The following EIF3E variants were observed in gnomAD, a reference collection of about 807,000 sequenced individuals.
The protein encoded by EIF3E is eukaryotic translation initiation factor 3 subunit E.
Under a neutral mutation model 59.3 loss-of-function variants are expected in EIF3E, and 25 were observed. That is an observed-to-expected ratio of 0.42 (90% CI 0.31 to 0.59). EIF3E has a LOEUF of 0.59. Among genes scored for constraint, EIF3E ranks in the 20% least tolerant of loss-of-function variants. EIF3E has a pLI of 0.15. For missense variants in EIF3E, 317 were observed against 534.3 expected (o/e 0.59, Z 4.01); for synonymous variants, 176 against 170.2 (o/e 1.03, Z -0.26).
At chr8:108,233,884 C>CT in intron 5 of EIF3E, among the ~76,000 whole-genome samples, 1 of 148,106 alleles carries the variant, frequency 6.8e-6, no homozygotes, top group East Asian at 2.0e-4. Context: ...CTTTAAGTAC[C>CT]TACTTACTAG....
intron 3 of EIF3E, 77 bp downstream of exon 3, chr8:108,239,881 C>A: frequency 2.6e-6 from 3 of 1,169,094 alleles, no homozygotes; most frequent in Non-Finnish European, 3.8e-6. Flanking sequence ...CTATGGGATA[C>A]TGGATAAAGT....
At chr8:108,219,239 CTTAA>C (rs1179774174) in intron 7 of EIF3E, among the ~76,000 whole-genome samples, 1 of 152,130 alleles carries the variant, frequency 6.6e-6, no homozygotes. Context: ...CCATATACAT[CTTAA>C]TTATTTTTAC....
At chr8:108,216,617 T>C (rs1376288560) in intron 8 of EIF3E, 104 bp from the exon 9 acceptor site, 7 of 792,616 alleles carry the variant, frequency 8.8e-6, no homozygotes, top group South Asian at 1.7e-5. Flanking sequence ...TTACCATTAA[T>C]TTCTAGCCAA....
chr8:108,203,822 G>A (rs1815041256), intron 10 of EIF3E, among the ~76,000 whole-genome samples: 1 of 151,968 alleles, frequency 6.6e-6, no homozygotes, highest in African/African-American at 2.4e-5. Context: ...AATGATCTAA[G>A]GGAGAAAAAG....
At chr8:108,242,007 G>A in intron 1 of EIF3E, 94 bp from the exon 2 acceptor site, 1 of 1,229,508 alleles carries the variant, frequency 8.1e-7, no homozygotes, top group Non-Finnish European at 1.1e-6. Context: ...TATATTTCAA[G>A]AAATACTTTA....
intron 7 of EIF3E, 106 bp from the exon 8 acceptor site, chr8:108,217,566 A>C: frequency 1.1e-6 from 1 of 870,762 alleles, no homozygotes. Flanking sequence ...AAGACTGCAA[A>C]CACTTAAGAA....
At chr8:108,240,783 C>T (rs1290280559) in intron 2 of EIF3E, among the ~76,000 whole-genome samples, 1 of 152,116 alleles carries the variant, frequency 6.6e-6, no homozygotes, top group Non-Finnish European at 1.5e-5. Flanking sequence ...AGTTCAAGAC[C>T]AGCCTGGCCA....
At chr8:108,241,473 C>CACT (rs1815832900) in intron 2 of EIF3E, among the ~76,000 whole-genome samples, 1 of 151,658 alleles carries the variant, frequency 6.6e-6, no homozygotes, top group Admixed American at 6.6e-5. Flanking sequence ...GCACACAATG[C>CACT]ACTAACTGAA....
intron 7 of EIF3E, among the ~76,000 whole-genome samples, chr8:108,226,725 C>T (rs2129890914): frequency 6.6e-6 from 1 of 152,242 alleles, no homozygotes; most frequent in South Asian, 2.1e-4. Flanking sequence ...GATATATTCC[C>T]ATATGCACAC....
chr8:108,236,971 G>C (rs1165365745), intron 3 of EIF3E, among the ~76,000 whole-genome samples: 2 of 151,996 alleles, frequency 1.3e-5, no homozygotes, highest in Non-Finnish European at 2.9e-5. Context: ...GCAGTGAACA[G>C]AGATGGCACC....
At chr8:108,222,063 G>A (rs1815426916) in intron 7 of EIF3E, among the ~76,000 whole-genome samples, 1 of 152,072 alleles carries the variant, frequency 6.6e-6, no homozygotes, top group Non-Finnish European at 1.5e-5. Context: ...ACTTTTTAGA[G>A]ATGGAATCTG....
In EIF3E at chr8:108,214,795, T is replaced by C. The variant is rs541052691; in HGVS notation, c.952-79A>G. 6 of 1,241,986 alleles carry C rather than the reference T, an allele frequency of 4.8e-6. No homozygotes were observed. The South Asian group carries it at 6.8e-5, about 14-fold the overall frequency. The allele number at this position is 1,241,986 out of a possible 1,614,324, so 76.9% of individuals were successfully genotyped here. A position where few individuals can be genotyped will look rare whatever the true frequency, so the allele number is the denominator to read the frequency against. On this transcript the variant is annotated intron_variant, in intron 9 of 12. Transcript: ENST00000220849. ...ACGTGAATCAAATACTTTATCTGCT[T>C]TATTTTTCCATTCTACAATCATGAG...
intron 3 of EIF3E, among the ~76,000 whole-genome samples, chr8:108,236,430 C>T (rs982007608): frequency 6.6e-6 from 1 of 152,162 alleles, no homozygotes; most frequent in Non-Finnish European, 1.5e-5. Flanking sequence ...TTAGCCCTAA[C>T]TGAAAATTAG....
rs1363023267 is a variant in EIF3E, at chr8:108,204,762, GAGAGAGAGAGAGAGAGAGAC to G, written c.1062-1279_1062-1260del. Among the ~76,000 whole-genome samples the G allele has an allele frequency of 4.8e-3, 622 of 129,892 alleles. 4 individuals carry two copies. Among genetic ancestry groups the G allele is most frequent in the African/African-American group, 0.018 (525 of 29,576 alleles). The allele number at this position is 129,892 out of a possible 152,430, so 85.2% of individuals were successfully genotyped here. A position where few individuals can be genotyped will look rare whatever the true frequency, so the allele number is the denominator to read the frequency against. ...ATATATATATAGAGAGAGAGAGAGAGAGAGAGAGAGAGAGAGAGACAGAGAGAGAGAGAGAGAGAGACTGA... is the reference window on the plus strand; with the variant it reads ...ATATATATATAGAGAGAGAGAGAGAGAGAGAGAGAGAGAGAGAGAGACTGA... On this transcript the variant is annotated intron_variant, in intron 10 of 12. Coordinates refer to ENST00000220849, the MANE Select transcript of EIF3E (RefSeq NM_001568.3).
chr8:108,209,574 T>C (rs1277087299), intron 10 of EIF3E, among the ~76,000 whole-genome samples: 2 of 152,160 alleles, frequency 1.3e-5, no homozygotes, highest in Non-Finnish European at 2.9e-5. Flanking sequence ...TCTTTGAAAG[T>C]GTACTCACTA....
chr8:108,242,139 C>T (rs1176552007), intron 1 of EIF3E: 1 of 1,403,616 alleles, frequency 7.1e-7, no homozygotes, highest in Non-Finnish European at 9.4e-7. Context: ...AAGAGAATTA[C>T]TGTAGACATT....
intron 7 of EIF3E, chr8:108,226,144 T>A (rs1323205965): frequency 1.3e-5 from 2 of 151,912 alleles, no homozygotes; most frequent in African/African-American, 4.8e-5. Context: ...ACTTACTGTA[T>A]ACACCAAGAG....
intron 7 of EIF3E, among the ~76,000 whole-genome samples, chr8:108,225,796 T>C (rs1815505565): frequency 6.6e-6 from 1 of 151,520 alleles, no homozygotes; most frequent in Admixed American, 6.6e-5. Flanking sequence ...AAAGCAGGCA[T>C]GAAAACCCAG....
chr8:108,227,936 T>C (rs1815544396), intron 7 of EIF3E: 1 of 179,610 alleles, frequency 5.6e-6, no homozygotes, highest in African/African-American at 2.4e-5. Flanking sequence ...TTCTAAAGCT[T>C]TGATGTTTAC....
Sources: gnomAD v4.1 joint callset for allele counts (sites outside exome capture counted in the v4.1 genomes callset) on GRCh38, gnomAD v4.1.1 for gene constraint, MANE v1.5 for transcripts, NCBI Gene and HGNC (gene_info 2026-07-23, HGNC 2026-07-21) for gene names.